LRMDA: variants seen among roughly 807,000 people sequenced by gnomAD.
LRMDA encodes leucine rich melanocyte differentiation associated.
In LRMDA, 18 loss-of-function variants were observed where a neutral mutation model predicts 29.8. The observed-to-expected ratio is 0.60, with a 90% CI of 0.42 to 0.90. LRMDA has a LOEUF of 0.90. Among genes scored for constraint, LRMDA ranks in the 40% least tolerant of loss-of-function variants. The probability of loss-of-function intolerance (pLI) is 0.00; values close to 1 mark genes in which losing one functional copy is unlikely to be tolerated. For synonymous variants in LRMDA, 125 were observed against 109.4 expected, an observed-to-expected ratio of 1.14 and a Z score of -0.89; for missense variants, 273 against 273.9, an observed-to-expected ratio of 1.00 and a Z score of 0.02.
chr10:76,557,355 A>C lies in LRMDA; in HGVS notation c.*67A>C. On this transcript the variant is annotated 3_prime_UTR_variant, in exon 7 of 7. Coordinates refer to ENST00000611255, the MANE Select transcript of LRMDA (RefSeq NM_001305581.2). ...ATCAAAAGGGAAATCAAAAATAAAG[A>C]AAACGCTAAAGAAAAAACAATAGCC... 1 of 1,328,696 alleles carries C rather than the reference A, an allele frequency of 7.5e-7. No homozygotes were observed. The highest frequency in any genetic ancestry group is 1.1e-6 in the Non-Finnish European group (1 of 928,888). 82.3% of individuals were successfully genotyped at this position (1,328,696 alleles called of 1,614,324 possible).
At chr10:76,183,200 T>C (rs1851085485) in intron 5 of LRMDA, among the ~76,000 whole-genome samples, 1 of 152,208 alleles carries the variant, frequency 6.6e-6, no homozygotes, top group Admixed American at 6.5e-5. Context: ...TCAAATAGCA[T>C]GAATTCTTTA....
intron 5 of LRMDA, among the ~76,000 whole-genome samples, chr10:76,284,218 C>T (rs564226803): frequency 1.3e-5 from 2 of 152,232 alleles, no homozygotes; most frequent in African/African-American, 4.8e-5. Flanking sequence ...ATTAAAAAAT[C>T]ATAAATTGTG....
At chr10:75,813,594 G>A (rs1006161374) in intron 2 of LRMDA, among the ~76,000 whole-genome samples, 1 of 152,130 alleles carries the variant, frequency 6.6e-6, no homozygotes, top group Admixed American at 6.5e-5. Context: ...CTCTTTGGAC[G>A]ACGTGGGACA....
intron 2 of LRMDA, among the ~76,000 whole-genome samples, chr10:75,471,271 T>G (rs1844723096): frequency 6.6e-6 from 1 of 152,024 alleles, no homozygotes; most frequent in Non-Finnish European, 1.5e-5. Flanking sequence ...GCTCCTGCCT[T>G]CAGGAAGTTC....
intron 2 of LRMDA, among the ~76,000 whole-genome samples, chr10:75,705,590 G>A (rs1158237326): frequency 6.6e-6 from 1 of 152,204 alleles, no homozygotes; most frequent in East Asian, 1.9e-4. Flanking sequence ...TGGAAATTTT[G>A]GAGGAGGGGC....
At chr10:76,556,017 A>T (rs183470844) in intron 6 of LRMDA, among the ~76,000 whole-genome samples, 54 of 152,354 alleles carry the variant, frequency 3.5e-4, no homozygotes, top group Admixed American at 2.3e-3. Flanking sequence ...AGAAGAAAAT[A>T]AAAATGCAGG....
At chr10:75,949,745 A>G (rs1400171716) in intron 2 of LRMDA, among the ~76,000 whole-genome samples, 1 of 152,150 alleles carries the variant, frequency 6.6e-6, no homozygotes, top group Non-Finnish European at 1.5e-5. Flanking sequence ...ATATTTACCC[A>G]TAGGGAAGCT....
intron 2 of LRMDA, among the ~76,000 whole-genome samples, chr10:75,655,244 G>A (rs10824328): frequency 0.097 from 14,697 of 152,210 alleles, 879 homozygotes; most frequent in South Asian, 0.19. Context: ...CTGAAATTGG[G>A]TGTATCAGTA....
chr10:76,102,796 G>T (rs530612411), intron 5 of LRMDA, among the ~76,000 whole-genome samples: 2 of 152,244 alleles, frequency 1.3e-5, no homozygotes, highest in Non-Finnish European at 1.5e-5. Flanking sequence ...GGGACTATAG[G>T]TGTGCACCAC....
At chr10:76,124,551 T>C (rs746843644) in intron 5 of LRMDA, among the ~76,000 whole-genome samples, 1 of 152,248 alleles carries the variant, frequency 6.6e-6, no homozygotes, top group Admixed American at 6.5e-5. Context: ...TGGCAAGCTA[T>C]TTGCCTTTGA....
intron 2 of LRMDA, among the ~76,000 whole-genome samples, chr10:75,866,606 C>G (rs1327455727): frequency 6.6e-6 from 1 of 152,178 alleles, no homozygotes; most frequent in African/African-American, 2.4e-5. Context: ...TATTAAGAAA[C>G]AGAGTACGTC....
At chr10:75,872,940 T>C (rs898601015) in intron 2 of LRMDA, among the ~76,000 whole-genome samples, 1 of 152,298 alleles carries the variant, frequency 6.6e-6, no homozygotes, top group East Asian at 1.9e-4. Context: ...TATGTCCTCA[T>C]TGAATCCAGT....
At chr10:75,772,327 C>T (rs1282540369) in intron 2 of LRMDA, among the ~76,000 whole-genome samples, 1 of 152,082 alleles carries the variant, frequency 6.6e-6, no homozygotes, top group Non-Finnish European at 1.5e-5. Flanking sequence ...TTGTTATTGA[C>T]TTGATTTTTG....
intron 2 of LRMDA, among the ~76,000 whole-genome samples, chr10:75,655,932 C>CCCCT (rs1471665347): frequency 2.0e-5 from 3 of 152,146 alleles, no homozygotes; most frequent in Non-Finnish European, 4.4e-5. Context: ...CCCTCTGTGA[C>CCCCT]CTGGTCATCT....
intron 2 of LRMDA, among the ~76,000 whole-genome samples, chr10:75,914,974 G>A (rs1845905526): frequency 6.6e-6 from 1 of 151,984 alleles, no homozygotes; most frequent in Non-Finnish European, 1.5e-5. Context: ...GCACTCACTG[G>A]CCCATTGAAG....
chr10:75,678,675 G>A (rs1841989590), intron 2 of LRMDA, among the ~76,000 whole-genome samples: 2 of 152,190 alleles, frequency 1.3e-5, no homozygotes, highest in African/African-American at 4.8e-5. Flanking sequence ...TCATCAAAAT[G>A]TTGACAGCTG....
chr10:76,490,180 G>C (rs1842818839), intron 6 of LRMDA, among the ~76,000 whole-genome samples: 1 of 151,880 alleles, frequency 6.6e-6, no homozygotes, highest in Non-Finnish European at 1.5e-5. Context: ...TCAATATTTT[G>C]AGTGTTTTAA....
In LRMDA at chr10:76,447,053, CT is replaced by C. The variant is rs56294340; in HGVS notation, c.602-110144del. On this transcript the variant is annotated intron_variant, in intron 6 of 6. Coordinates refer to ENST00000611255, the MANE Select transcript of LRMDA (RefSeq NM_001305581.2). ...AGACTCCATACTACTTGATTTCTTT[CT>C]TTTTTTTTTTTAACCTCATTATGTC... Among the ~76,000 whole-genome samples, 517 of 145,758 alleles carry C rather than the reference CT, an allele frequency of 3.5e-3. 1 individual carries two copies. The highest frequency in any genetic ancestry group is 4.6e-3 in the Non-Finnish European group (303 of 66,488).
chr10:75,729,168 G>A (rs1395660196), intron 2 of LRMDA, among the ~76,000 whole-genome samples: 1 of 152,196 alleles, frequency 6.6e-6, no homozygotes, highest in Non-Finnish European at 1.5e-5. Flanking sequence ...TGTGAAGGGA[G>A]GACAGTTAGC....
Sources: gnomAD v4.1 joint callset for allele counts (sites outside exome capture counted in the v4.1 genomes callset) on GRCh38, gnomAD v4.1.1 for gene constraint, MANE v1.5 for transcripts, NCBI Gene and HGNC (gene_info 2026-07-23, HGNC 2026-07-21) for gene names.